The following NSD1 variants were observed in gnomAD, a reference collection of about 807,000 sequenced individuals.
The protein encoded by NSD1 is nuclear receptor binding SET domain protein 1.
A neutral mutation model predicts 242.7 loss-of-function variants in NSD1; 26 were observed. The ratio of observed to expected loss-of-function variants is 0.11; its 90% confidence interval spans 0.08 to 0.15. The LOEUF (loss-of-function observed/expected upper bound fraction) is 0.15, where lower values mean the gene tolerates loss of function less well. Ranked by LOEUF, NSD1 falls within the 10% of genes least tolerant of loss-of-function variation. NSD1 has a pLI of 1.00. For synonymous variants in NSD1, 1,106 were observed against 1,178.1 expected (o/e 0.94, Z 1.25); for missense variants, 2,495 against 3,272.8 (o/e 0.76, Z 5.80).
upstream of NSD1, among the ~76,000 whole-genome samples, chr5:177,132,733 C>G (rs1454238813): frequency 6.7e-6 from 1 of 149,462 alleles, no homozygotes; most frequent in Non-Finnish European, 1.5e-5. This position sits in a 1 kb window ranked among gnomAD's most constrained non-coding sequence, Gnocchi z 7.5. Flanking sequence ...CGAGCAGTGC[C>G]GGGGCGGGTA....
chr5:177,221,891 C>T (rs1178615229), intron 5 of NSD1, among the ~76,000 whole-genome samples: 2 of 149,014 alleles, frequency 1.3e-5, no homozygotes, highest in African/African-American at 5.0e-5. Flanking sequence ...CTCACAGCAA[C>T]CTTTGCCTCC....
chr5:177,260,831 A>G (rs1756940967), intron 14 of NSD1, among the ~76,000 whole-genome samples: 1 of 152,186 alleles, frequency 6.6e-6, no homozygotes, highest in African/African-American at 2.4e-5. Context: ...ATTATTCCAG[A>G]CATTCATGCA....
Position 177,246,728 on chromosome 5 carries a change from G to A in NSD1, c.4429G>A (p.Ala1477Thr), listed in dbSNP as rs752236403. 1 of 1,614,040 alleles carries A rather than the reference G, an allele frequency of 6.2e-7. No homozygotes were observed. The highest frequency in any genetic ancestry group is 1.7e-5 in the Admixed American group (1 of 60,002). ...KPRKRKRQRH[A>T]AAKMQCKKVK... Reference sequence around the variant, plus strand: ...AAGGAAGCGAAAACGACAGAGGCATGCTGCAGCCAAGATGCAGTGTAAAAA... The same window carrying A: ...AAGGAAGCGAAAACGACAGAGGCATACTGCAGCCAAGATGCAGTGTAAAAA... The change falls in exon 10 of 23, where the codon GCT becomes ACT. Residue 1477 changes from alanine (A) to threonine (T), a missense_variant. Ala to Thr is a moderately conservative substitution (Grantham distance 58). Transcript: ENST00000439151.
At position 177,135,820 on chromosome 5, in the gene NSD1, G is replaced by A. The variant is rs1756274169; in HGVS notation, c.717G>A (p.Lys239=). 2 of 1,607,990 alleles carry A rather than the reference G, an allele frequency of 1.2e-6. No homozygotes were observed. The highest frequency in any genetic ancestry group is 1.7e-6 in the Non-Finnish European group (2 of 1,175,728). The change falls in exon 2 of 23, where the codon AAG becomes AAA. Residue 239 remains lysine, a synonymous_variant. Coordinates refer to ENST00000439151, the MANE Select transcript of NSD1 (RefSeq NM_022455.5). ...LAPQTETQKN[K]QRNEVDGSNE... is the part of the protein sequence containing the mutation. The stretch of plus-strand genomic sequence containing the variant: ...CTCAGACTGAAACACAGAAAAATAA[G>A]CAAAGAAATGAAGTGGACGGCAGCA...
At chr5:177,193,439 G>C (rs1761859589) in intron 3 of NSD1, among the ~76,000 whole-genome samples, 1 of 151,874 alleles carries the variant, frequency 6.6e-6, no homozygotes, top group Non-Finnish European at 1.5e-5. Context: ...ACCGTGCCGG[G>C]CCAATTTTTG....
chr5:177,212,039 C>G lies in NSD1; in HGVS notation c.3640C>G (p.Leu1214Val). 6.2e-7 allele frequency: 1 copy of G among 1,614,078 alleles called. No individual in the cohort carries two copies. Among genetic ancestry groups the G allele is most frequent in the Non-Finnish European group, 8.5e-7 (1 of 1,180,012 alleles). Reference sequence around the variant, plus strand: ...GCATAGAACTCCTTCAGCAAGCATACTTGAGGAACCACTGACAGAGCAAAA... The same window carrying G: ...GCATAGAACTCCTTCAGCAAGCATAGTTGAGGAACCACTGACAGAGCAAAA... The part of the protein sequence containing the change: ...PEHRTPSASI[L>V]EEPLTEQNHA... The change falls in exon 5 of 23, where the codon CTT becomes GTT. Residue 1214 changes from leucine to valine, a missense_variant. Physicochemically the swap from Leu to Val is conservative, Grantham distance 32. Coordinates refer to ENST00000439151, the MANE Select transcript of NSD1 (RefSeq NM_022455.5).
chr5:177,237,531 CTT>C (rs35657331), intron 6 of NSD1, among the ~76,000 whole-genome samples: 43 of 123,122 alleles, frequency 3.5e-4, no homozygotes, highest in African/African-American at 1.2e-3. Context: ...ATTATTTTAT[CTT>C]TTTTTTTTTT....
At chr5:177,268,737 C>T (rs146134430) in intron 15 of NSD1, among the ~76,000 whole-genome samples, 3 of 152,170 alleles carry the variant, frequency 2.0e-5, no homozygotes, top group Non-Finnish European at 4.4e-5. Context: ...GTGTTTTAGA[C>T]CTTTATGTAA....
At chr5:177,183,146 A>G (rs2149810673) in intron 2 of NSD1, among the ~76,000 whole-genome samples, 1 of 152,054 alleles carries the variant, frequency 6.6e-6, no homozygotes, top group African/African-American at 2.4e-5. Flanking sequence ...CCCAGGCTGG[A>G]TATTCTTTTC....
rs761132790 is a variant in NSD1, at chr5:177,199,614, T to TTTTCTTTTCTTTTCTTTTC, written c.1064-4503_1064-4502insCTTTTCTTTTCTTTTCTTT. 9.5e-3 allele frequency among the ~76,000 whole-genome samples: 1,417 copies of TTTTCTTTTCTTTTCTTTTC among 148,954 alleles called. 48 individuals carry two copies. Among genetic ancestry groups the TTTTCTTTTCTTTTCTTTTC allele is most frequent in the African/African-American group, 0.026 (1,040 of 40,146 alleles). On this transcript the variant is annotated intron_variant, in intron 3 of 22. Transcript: ENST00000439151. The stretch of plus-strand genomic sequence containing the variant: ...CTTTTCTTTTCTTTTCTTTTCTTTT[T>TTTTCTTTTCTTTTCTTTTC]TTTTGAGATGGAGTCTCTCTCTGTC...
At chr5:177,144,734 TA>T (rs1412587781) in intron 2 of NSD1, among the ~76,000 whole-genome samples, 2 of 152,188 alleles carry the variant, frequency 1.3e-5, no homozygotes, top group African/African-American at 4.8e-5. Context: ...CTAATTTAAA[TA>T]ATCTCAATTG....
intron 2 of NSD1, among the ~76,000 whole-genome samples, chr5:177,181,623 T>C (rs1760697792): frequency 6.6e-6 from 1 of 151,374 alleles, no homozygotes; most frequent in South Asian, 2.1e-4. Context: ...GATGAGGTTT[T>C]GCCATGTTGT....
At chr5:177,160,538 A>T (rs1325010499) in intron 2 of NSD1, among the ~76,000 whole-genome samples, 1 of 151,386 alleles carries the variant, frequency 6.6e-6, no homozygotes, top group African/African-American at 2.4e-5. Flanking sequence ...CCTGACATCA[A>T]GTGACCTGCC....
At chr5:177,278,864 C>G (rs76004499) in intron 17 of NSD1, among the ~76,000 whole-genome samples, 2,246 of 152,252 alleles carry the variant, frequency 0.015, 19 homozygotes, top group Non-Finnish European at 0.023. Context: ...TGCACAAATC[C>G]ATTATTGTAC....
intron 2 of NSD1, among the ~76,000 whole-genome samples, chr5:177,146,449 C>T (rs1243145079): frequency 1.3e-5 from 2 of 151,916 alleles, no homozygotes; most frequent in Non-Finnish European, 2.9e-5. Flanking sequence ...TGTGATCCGC[C>T]CGCCTCAGCC....
chr5:177,280,676 A>G lies in NSD1; in HGVS notation c.5734A>G (p.Ile1912Val). The change falls in exon 18 of 23, where the codon ATC (isoleucine) becomes GTC (valine). Residue 1912 changes from isoleucine to valine, a missense_variant. Physicochemically the swap from Ile to Val is conservative, Grantham distance 29. Transcript: ENST00000439151. ...ENPCGIDSEC[I>V]NRMLLYECHP... ...CCCCTGTGGGATAGACTCTGAATGC[A>G]TCAACCGCATGCTGCTCTATGAGTG... is the stretch of plus-strand genomic sequence containing the variant. 6.2e-7 allele frequency: 1 copy of G among 1,614,238 alleles called. No homozygotes were observed. Among genetic ancestry groups the G allele is most frequent in the Non-Finnish European group, 8.5e-7 (1 of 1,180,050 alleles).
At chr5:177,283,753 G>A (rs1759083056) in intron 19 of NSD1, 34 bp from the exon 20 acceptor site, 1 of 1,612,884 alleles carries the variant, frequency 6.2e-7, no homozygotes. Context: ...GAGGTCTCAG[G>A]AAGTCTGATG....
At chr5:177,195,112 T>A (rs1478861062) in intron 3 of NSD1, among the ~76,000 whole-genome samples, 1 of 151,958 alleles carries the variant, frequency 6.6e-6, no homozygotes, top group African/African-American at 2.4e-5. Flanking sequence ...TGATCCAAGA[T>A]CACACTACTG....
At chr5:177,165,636 A>G (rs554858961) in intron 2 of NSD1, among the ~76,000 whole-genome samples, 1 of 152,066 alleles carries the variant, frequency 6.6e-6, no homozygotes, top group African/African-American at 2.4e-5. Flanking sequence ...TCTGTTGCCC[A>G]GGCTAGAGTA....
Sources: gnomAD v4.1 joint callset for allele counts (sites outside exome capture counted in the v4.1 genomes callset) on GRCh38, gnomAD v4.1.1 for gene constraint, Gnocchi (gnomAD v3.1) non-coding constraint, MANE v1.5 for transcripts, NCBI Gene and HGNC (gene_info 2026-07-23, HGNC 2026-07-21) for gene names.